CELF4: variants seen among roughly 807,000 people sequenced by gnomAD.
The protein encoded by CELF4 is CUGBP Elav-like family member 4.
Under a neutral mutation model 59.9 loss-of-function variants are expected in CELF4, and 18 were observed. The observed-to-expected ratio is 0.30, with a 90% CI of 0.21 to 0.45. The LOEUF (loss-of-function observed/expected upper bound fraction) is 0.45, where lower values mean the gene tolerates loss of function less well. Ranked by LOEUF, CELF4 falls within the 20% of genes least tolerant of loss-of-function variation. The pLI, the probability that CELF4 is intolerant of heterozygous loss-of-function variation, is 1.00. For missense variants in CELF4, 456 were observed against 689.0 expected, an observed-to-expected ratio of 0.66 and a Z score of 3.79; for synonymous variants, 261 against 267.1, an observed-to-expected ratio of 0.98 and a Z score of 0.22.
chr18:37,420,378 A>C lies in CELF4; in HGVS notation c.369+65147T>G, dbSNP rs138929682. Among the ~76,000 whole-genome samples, 124 of 152,348 alleles carry C rather than the reference A, an allele frequency of 8.1e-4. 1 individual carries two copies. Among genetic ancestry groups the C allele is most frequent in the Middle Eastern group, 6.8e-3 (2 of 294 alleles). On this transcript the variant is annotated intron_variant, in intron 2 of 12. Transcript: ENST00000420428. The stretch of plus-strand genomic sequence containing the variant: ...TGACAGCACTTAGCTCACAGTTCCG[A>C]TGAGGAGTGAATGAAATAGTGTGGC...
At chr18:37,277,805 C>T (rs962006597) in intron 3 of CELF4, among the ~76,000 whole-genome samples, 3 of 152,098 alleles carry the variant, frequency 2.0e-5, no homozygotes, top group Admixed American at 1.3e-4. Flanking sequence ...AAGGCTCAAT[C>T]GAATTGGGTT....
At chr18:37,258,954 A>C (rs984363606) in intron 11 of CELF4, 4 of 582,154 alleles carry the variant, frequency 6.9e-6, no homozygotes, top group Non-Finnish European at 1.2e-5. Context: ...CAAGAAGCAA[A>C]AGGAGTAGTG....
intron 3 of CELF4, among the ~76,000 whole-genome samples, chr18:37,304,162 C>T (rs947316150): frequency 1.1e-4 from 16 of 152,342 alleles, no homozygotes; most frequent in East Asian, 5.8e-4. Context: ...TACAAACCCA[C>T]GCAACCTGGG....
chr18:37,466,086 G>T (rs917583019), intron 2 of CELF4, among the ~76,000 whole-genome samples: 7 of 152,214 alleles, frequency 4.6e-5, no homozygotes, highest in African/African-American at 1.7e-4. Flanking sequence ...GCTGGGATGA[G>T]GCTCCACAAG....
chr18:37,279,029 C>T (rs1031404798), intron 3 of CELF4, among the ~76,000 whole-genome samples: 1 of 152,152 alleles, frequency 6.6e-6, no homozygotes, highest in Non-Finnish European at 1.5e-5. Context: ...AGCCCGTGCC[C>T]ACCCTCCTCC....
intron 1 of CELF4, among the ~76,000 whole-genome samples, chr18:37,543,868 C>T (rs566092499): frequency 2.6e-5 from 4 of 152,142 alleles, no homozygotes; most frequent in East Asian, 1.9e-4. Flanking sequence ...TGGTCTGTGC[C>T]GCTGGGCAGG....
chr18:37,303,748 G>T (rs2096228642), intron 3 of CELF4, among the ~76,000 whole-genome samples: 1 of 152,212 alleles, frequency 6.6e-6, no homozygotes, highest in Non-Finnish European at 1.5e-5. Flanking sequence ...AGCCTTGTGG[G>T]CTTTGGGGGA....
At chr18:37,380,028 C>T (rs1220177729) in intron 2 of CELF4, among the ~76,000 whole-genome samples, 1 of 152,186 alleles carries the variant, frequency 6.6e-6, no homozygotes, top group East Asian at 1.9e-4. Flanking sequence ...CCATGTTCTT[C>T]ACTGAACCAG....
At chr18:37,460,338 T>C (rs1197237207) in intron 2 of CELF4, among the ~76,000 whole-genome samples, 6 of 152,204 alleles carry the variant, frequency 3.9e-5, no homozygotes, top group Non-Finnish European at 8.8e-5. Flanking sequence ...ACACAGCTCT[T>C]ATGCTGAGCG....
At position 37,274,996 on chromosome 18, in the gene CELF4, G is replaced by A. The variant is rs545570310; in HGVS notation, c.578-112C>T. 2.1e-5 allele frequency: 33 copies of A among 1,535,584 alleles called. 1 individual carries two copies. In the South Asian group the frequency reaches 3.3e-4, roughly 15 times the overall value. On this transcript the variant is annotated intron_variant, in intron 4 of 12. Transcript: ENST00000420428. Reference sequence around the variant, plus strand: ...GACGGGTGAGGCAGAGATTGAGAAAGAGACACCAAGAAGCCCAGAGACAGA... The same window carrying A: ...GACGGGTGAGGCAGAGATTGAGAAAAAGACACCAAGAAGCCCAGAGACAGA...
Position 37,433,272 on chromosome 18 carries a change from G to A in CELF4, c.369+52253C>T, listed in dbSNP as rs573364896. Among the ~76,000 whole-genome samples, 10 of 152,264 alleles carry A rather than the reference G, an allele frequency of 6.6e-5. No homozygotes were observed. The South Asian group carries it at 2.1e-3, about 32-fold the overall frequency. ...TTTTGCACAGATAAAGTGACTATGGGCCTGCCTAGGGAAGGAGCTGTTTCA... is the reference window on the plus strand; with the variant it reads ...TTTTGCACAGATAAAGTGACTATGGACCTGCCTAGGGAAGGAGCTGTTTCA... On this transcript the variant is annotated intron_variant, in intron 2 of 12. Coordinates refer to ENST00000420428, the MANE Select transcript of CELF4 (RefSeq NM_020180.4).
intron 2 of CELF4, among the ~76,000 whole-genome samples, chr18:37,439,115 A>G (rs2099703343): frequency 6.6e-6 from 1 of 152,118 alleles, no homozygotes; most frequent in South Asian, 2.1e-4. Flanking sequence ...CATTTTACAG[A>G]TGAGAAAACT....
intron 1 of CELF4, among the ~76,000 whole-genome samples, chr18:37,558,565 T>TGGG (rs372382156): frequency 3.0e-3 from 229 of 77,576 alleles, no homozygotes; most frequent in African/African-American, 0.011. Context: ...GGGGGGCGGG[T>TGGG]GGGGGGGGCT....
At chr18:37,309,311 C>G (rs1356122977) in intron 3 of CELF4, among the ~76,000 whole-genome samples, 1 of 152,230 alleles carries the variant, frequency 6.6e-6, no homozygotes, top group Admixed American at 6.5e-5. Context: ...AGTCACCTCT[C>G]TTCTCCAAGC....
At position 37,333,900 on chromosome 18, in the gene CELF4, C is replaced by T. The variant is rs568250295; in HGVS notation, c.370-12019G>A. On this transcript the variant is annotated intron_variant, in intron 2 of 12. Transcript: ENST00000420428. ...TTGGATGGCACAGCAACATGAGTGT[C>T]TCTTCCCTGAGGGAGCCACCACCCA... Among the ~76,000 whole-genome samples, 19 of 152,212 alleles carry T rather than the reference C, an allele frequency of 1.2e-4. No individual in the cohort carries two copies. The South Asian group carries it at 3.9e-3, about 32-fold the overall frequency.
chr18:37,400,841 C>T (rs773437172), intron 2 of CELF4, among the ~76,000 whole-genome samples: 21 of 152,192 alleles, frequency 1.4e-4, no homozygotes, highest in Non-Finnish European at 2.5e-4. Flanking sequence ...AGGCCAAATC[C>T]GAGTTTTCCA....
chr18:37,499,655 T>G (rs2154603835), intron 1 of CELF4, among the ~76,000 whole-genome samples: 1 of 152,336 alleles, frequency 6.6e-6, no homozygotes, highest in East Asian at 1.9e-4. Context: ...GCCCTACTCC[T>G]GGCACAGGGC....
At position 37,439,328 on chromosome 18, in the gene CELF4, G is replaced by A. The variant is rs147261673; in HGVS notation, c.369+46197C>T. The stretch of plus-strand genomic sequence containing the variant: ...TTGTCCCTCAGTGTCCATGAAAGTG[G>A]GGTTTACATAAATTGAAAGTACAAC... On this transcript the variant is annotated intron_variant, in intron 2 of 12. Coordinates refer to ENST00000420428, the MANE Select transcript of CELF4 (RefSeq NM_020180.4). Among the ~76,000 whole-genome samples, 21 of 152,258 alleles carry A rather than the reference G, an allele frequency of 1.4e-4. No homozygotes were observed. In the East Asian group the frequency reaches 4.1e-3, roughly 29 times the overall value.
chr18:37,401,139 G>T (rs1473722704), intron 2 of CELF4, among the ~76,000 whole-genome samples: 1 of 152,244 alleles, frequency 6.6e-6, no homozygotes, highest in Non-Finnish European at 1.5e-5. Context: ...TGGGATGAAT[G>T]CTCAGGCTCC....
Sources: gnomAD v4.1 joint callset for allele counts (sites outside exome capture counted in the v4.1 genomes callset) on GRCh38, gnomAD v4.1.1 for gene constraint, MANE v1.5 for transcripts, NCBI Gene and HGNC (gene_info 2026-07-23, HGNC 2026-07-21) for gene names.